Variants in CDK12 observed in about 807,000 individuals in gnomAD.
CDK12 encodes the protein cyclin dependent kinase 12.
Under a neutral mutation model 133.8 loss-of-function variants are expected in CDK12, and 17 were observed. The observed-to-expected ratio is 0.13, with a 90% CI of 0.09 to 0.19. CDK12 has a LOEUF of 0.19. Among genes scored for constraint, CDK12 ranks in the 10% least tolerant of loss-of-function variants. CDK12 has a pLI of 1.00. For missense variants in CDK12, 1,508 were observed against 1,818.7 expected (o/e 0.83, Z 3.11); for synonymous variants, 694 against 683.6 (o/e 1.02, Z -0.24).
At chr17:39,500,885 C>T (rs1279548792) in intron 5 of CDK12, among the ~76,000 whole-genome samples, 1 of 151,764 alleles carries the variant, frequency 6.6e-6, no homozygotes, top group Non-Finnish European at 1.5e-5. Context: ...TGCCACCATG[C>T]CCAGCTAATT....
intron 6 of CDK12, among the ~76,000 whole-genome samples, chr17:39,501,875 G>A (rs994580181): frequency 1.3e-5 from 2 of 149,328 alleles, no homozygotes; most frequent in Non-Finnish European, 3.0e-5. Flanking sequence ...ATGGAATTTC[G>A]CTCTTCTTGC....
intron 13 of CDK12, 72 bp from the exon 14 acceptor site, chr17:39,530,532 A>AGT (rs1041292748): frequency 1.3e-6 from 2 of 1,505,364 alleles, no homozygotes; most frequent in Non-Finnish European, 1.8e-6. Context: ...TATGTTGCAC[A>AGT]GTGTGTGTGT....
rs1362677639 is a variant in CDK12, at chr17:39,498,610, G to A, written c.2420-2640G>A. Among the ~76,000 whole-genome samples the A allele has an allele frequency of 3.9e-5, 6 of 151,940 alleles. No homozygotes were observed. In the East Asian group the frequency reaches 5.8e-4, roughly 15 times the overall value. ...ATTGGTGCAATCACAGCTTATTGTA[G>A]CCTCAAACTCCTGGGCTCAAATGAT... On this transcript the variant is annotated intron_variant, in intron 5 of 13. Coordinates refer to ENST00000447079, the MANE Select transcript of CDK12 (RefSeq NM_016507.4).
upstream of CDK12, among the ~76,000 whole-genome samples, chr17:39,548,612 A>G (rs1327901541): frequency 6.6e-6 from 1 of 152,204 alleles, no homozygotes; most frequent in Non-Finnish European, 1.5e-5. Flanking sequence ...AGAATTCAAG[A>G]TGGTCTAGTG....
At chr17:39,468,762 A>G (rs2049550242) in intron 1 of CDK12, among the ~76,000 whole-genome samples, 1 of 152,082 alleles carries the variant, frequency 6.6e-6, no homozygotes, top group Non-Finnish European at 1.5e-5. Flanking sequence ...GGCGTGAGCC[A>G]CAGTGCCCGG....
At chr17:39,477,870 G>T (rs576778688) in intron 2 of CDK12, among the ~76,000 whole-genome samples, 1 of 151,700 alleles carries the variant, frequency 6.6e-6, no homozygotes, top group African/African-American at 2.4e-5. Flanking sequence ...ACTGCACCCC[G>T]CCTATTTTTG....
chr17:39,480,969 A>C (rs560630634), intron 2 of CDK12, among the ~76,000 whole-genome samples: 1 of 151,982 alleles, frequency 6.6e-6, no homozygotes, highest in Non-Finnish European at 1.5e-5. Flanking sequence ...ATTTCAGTTA[A>C]CCAGCCGGGA....
intron 4 of CDK12, among the ~76,000 whole-genome samples, 192 bp downstream of exon 4, chr17:39,493,082 T>C (rs2051766595): frequency 6.6e-6 from 1 of 151,890 alleles, no homozygotes; most frequent in Non-Finnish European, 1.5e-5. Flanking sequence ...AAGCTCCGCC[T>C]CCTGGGTTCA....
intron 2 of CDK12, among the ~76,000 whole-genome samples, chr17:39,554,580 A>G (rs1024413488): frequency 3.3e-5 from 5 of 152,182 alleles, no homozygotes; most frequent in African/African-American, 7.2e-5. Context: ...TGGATCTGGT[A>G]AAGAGTAACA....
Position 39,524,868 on chromosome 17 carries a change from G to T in CDK12, c.3290G>T (p.Gly1097Val), listed in dbSNP as rs764344226. 1 of 1,613,702 alleles carries T rather than the reference G, an allele frequency of 6.2e-7. No individual in the cohort carries two copies. The highest frequency in any genetic ancestry group is 1.3e-5 in the African/African-American group (1 of 75,032). Residue 1097 changes from glycine to valine, a missense_variant, in exon 12 of 14, where the codon GGG becomes GTG. Physicochemically the swap from Gly to Val is moderately radical, Grantham distance 109. Around this residue, in one of 9 missense-constraint regions of CDK12, gnomAD observed 399 missense variants for 469.6 expected, o/e 0.85. Transcript: ENST00000447079. ...CCTGCTCCTGGCAAGGTGGAGTCTG[G>T]GGCTGGGGATGCAATAGGTCAGTGC... ...PQPAPGKVES[G>V]AGDAIGLADI... is the part of the protein sequence containing the mutation.
rs781636791 is a variant in CDK12 at position 39,471,615 on chromosome 17, G to C, written c.1783G>C (p.Val595Leu). 1.9e-6 allele frequency: 3 copies of C among 1,614,000 alleles called. No homozygotes were observed. The highest frequency in any genetic ancestry group is 2.5e-6 in the Non-Finnish European group (3 of 1,180,034). ...PPSTHSKTSA[V>L]SSQANSQPPV... ...TTCTACTCACTCAAAGACATCTGCTGTGTCCTCTCAGGCAAATTCTCAGCC... is the reference window on the plus strand; with the variant it reads ...TTCTACTCACTCAAAGACATCTGCTCTGTCCTCTCAGGCAAATTCTCAGCC... Residue 595 changes from valine (V) to leucine (L), a missense_variant, in exon 2 of 14, where the codon GTG (valine) becomes CTG (leucine). This residue lies in a region of CDK12 where 347 missense variants were observed against 330.8 expected (regional missense o/e 1.05). Transcript: ENST00000447079.
chr17:39,566,665 C>T (rs571748775), downstream of CDK12, among the ~76,000 whole-genome samples: 33 of 152,266 alleles, frequency 2.2e-4, no homozygotes, highest in African/African-American at 1.9e-4. Flanking sequence ...GGCTCTACGC[C>T]GTCTTGGGTG....
At chr17:39,470,727 G>A in intron 1 of CDK12, 152 bp from the exon 2 acceptor site, 1 of 601,752 alleles carries the variant, frequency 1.7e-6, no homozygotes, top group East Asian at 3.0e-5. Context: ...CTCTTGATTG[G>A]GCTGGTTTCT....
At chr17:39,520,185 A>C (rs2054077202) in intron 11 of CDK12, 98 bp downstream of exon 11, 10 of 1,251,632 alleles carry the variant, frequency 8.0e-6, no homozygotes, top group Non-Finnish European at 1.1e-5. Context: ...TAAGACCCAA[A>C]TGAAGAGGTG....
rs765493293 is a variant in CDK12, at chr17:39,531,038, G to A, written c.4195G>A (p.Gly1399Arg). The A allele has an allele frequency of 1.2e-6, 2 of 1,614,056 alleles. No individual in the cohort carries two copies. The highest frequency in any genetic ancestry group is 2.7e-5 in the African/African-American group (2 of 75,044). The stretch of plus-strand genomic sequence containing the variant: ...GGGCACAGGGTCAGTGCAGTTTCCA[G>A]GGGACCAGGACCTCCGTTTTGCCAG... ...YQGTGSVQFP[G>R]DQDLRFARVP... Residue 1399 changes from glycine to arginine, a missense_variant, in exon 14 of 14, where the codon GGG becomes AGG. Around this residue, in one of 9 missense-constraint regions of CDK12, gnomAD observed 7 missense variants for 21.7 expected, o/e 0.32. Transcript: ENST00000447079.
chr17:39,463,222 T>A (rs770506298), intron 1 of CDK12, 105 bp downstream of exon 1: 2 of 962,360 alleles, frequency 2.1e-6, no homozygotes, highest in Non-Finnish European at 1.6e-6. Flanking sequence ...CATCATTGAC[T>A]AGAACACTTT....
chr17:39,483,189 A>G (rs2050858313), intron 2 of CDK12, among the ~76,000 whole-genome samples: 1 of 152,114 alleles, frequency 6.6e-6, no homozygotes, highest in Non-Finnish European at 1.5e-5. Flanking sequence ...CTGGCATTAC[A>G]GGCGTGAGCC....
chr17:39,490,746 A>G lies in CDK12; in HGVS notation c.2108+13A>G. 6.3e-7 allele frequency: 1 copy of G among 1,582,784 alleles called. No homozygotes were observed. Among genetic ancestry groups the G allele is most frequent in the South Asian group, 1.1e-5 (1 of 87,894 alleles). On this transcript the variant is annotated intron_variant, in intron 3 of 13. Coordinates refer to ENST00000447079, the MANE Select transcript of CDK12 (RefSeq NM_016507.4). ...AAAAGAGACCAAAGTGAGTTTTTGG[A>G]GGAATCTGTCTTTCATGATAGTTTT... is the stretch of plus-strand genomic sequence containing the variant.
chr17:39,514,097 C>A (rs143207939), intron 8 of CDK12, among the ~76,000 whole-genome samples: 156 of 152,072 alleles, frequency 1.0e-3, no homozygotes, highest in Non-Finnish European at 2.0e-3. Context: ...GATCTCACTA[C>A]GTTGCCCAGC....
Sources: gnomAD v4.1 joint callset for allele counts (sites outside exome capture counted in the v4.1 genomes callset) on GRCh38, gnomAD v4.1.1 for gene constraint, gnomAD v4.1.1 regional missense constraint, MANE v1.5 for transcripts, NCBI Gene and HGNC (gene_info 2026-07-23, HGNC 2026-07-21) for gene names.